The following THSD4 variants were observed in gnomAD, a reference collection of about 807,000 sequenced individuals.
THSD4 encodes thrombospondin type-1 domain-containing protein 4.
THSD4 carries 69 observed loss-of-function variants against 119.0 expected under a neutral mutation model. The ratio of observed to expected loss-of-function variants is 0.58; its 90% CI spans 0.48 to 0.71. The LOEUF is 0.71. THSD4 is among the 30% of genes least tolerant of loss of function. The probability of loss-of-function intolerance (pLI) is 0.00; values close to 1 mark genes in which losing one functional copy is unlikely to be tolerated. For missense variants in THSD4, 1,393 were observed against 1,391.1 expected (o/e 1.00, Z -0.02); for synonymous variants, 524 against 540.4 (o/e 0.97, Z 0.42).
intron 15 of THSD4, among the ~76,000 whole-genome samples, chr15:71,761,192 T>C (rs975626270): frequency 2.0e-5 from 3 of 152,142 alleles, no homozygotes; most frequent in Admixed American, 6.5e-5. Flanking sequence ...CTTAATTCCA[T>C]TTTTTCCCCT....
At chr15:71,652,005 T>C (rs2051100369) in intron 7 of THSD4, among the ~76,000 whole-genome samples, 1 of 152,256 alleles carries the variant, frequency 6.6e-6, no homozygotes, top group African/African-American at 2.4e-5. Context: ...TCTGGGGACC[T>C]GCATTGGTAG....
rs2045345905 is a variant in THSD4, at chr15:71,326,692, AAAAAAAAAATATATATATATAT to A, written c.1015+69979_1015+70000del. Among the ~76,000 whole-genome samples the A allele has an allele frequency of 1.5e-4, 2 of 13,528 alleles. 1 individual carries two copies. The highest frequency in any genetic ancestry group is 3.7e-4 in the Non-Finnish European group (2 of 5,452). The allele number at this position is 13,528 out of a possible 152,430, so 8.9% of individuals were successfully genotyped here. On this transcript the variant is annotated intron_variant, in intron 6 of 17. Coordinates refer to ENST00000261862, the MANE Select transcript of THSD4 (RefSeq NM_024817.3). ...CCATCTCAAAAAAAAAAAAAAAAAA[AAAAAAAAAATATATATATATAT>A]ATATATATATATTAGCTGGGTGTGG...
At chr15:71,759,738 TAGAAG>T (rs1385651432) in intron 15 of THSD4, among the ~76,000 whole-genome samples, 12 of 152,324 alleles carry the variant, frequency 7.9e-5, no homozygotes, top group Admixed American at 2.0e-4. Context: ...CTACCATTCT[TAGAAG>T]AGAAGGGAGC....
At chr15:71,566,522 G>A (rs1203611398) in intron 7 of THSD4, among the ~76,000 whole-genome samples, 5 of 152,066 alleles carry the variant, frequency 3.3e-5, no homozygotes, top group Non-Finnish European at 7.4e-5. Flanking sequence ...TAAAGGGTGG[G>A]GCTTGGAGTC....
chr15:71,405,895 A>G (rs1250274281), intron 6 of THSD4, among the ~76,000 whole-genome samples: 1 of 144,792 alleles, frequency 6.9e-6, no homozygotes, highest in Non-Finnish European at 1.5e-5. Context: ...TATTCTTTTT[A>G]ATGCTGTTGT....
intron 7 of THSD4, among the ~76,000 whole-genome samples, chr15:71,455,134 T>C (rs1159026370): frequency 6.6e-6 from 1 of 152,246 alleles, no homozygotes; most frequent in East Asian, 1.9e-4. Flanking sequence ...TGTGGCTGTG[T>C]GTATTTGTTG....
intron 3 of THSD4, among the ~76,000 whole-genome samples, chr15:71,182,341 G>A (rs915341497): frequency 4.6e-5 from 7 of 151,628 alleles, no homozygotes; most frequent in African/African-American, 1.7e-4. Context: ...ATTAGTGTCT[G>A]AACAAACTCT....
intron 7 of THSD4, among the ~76,000 whole-genome samples, chr15:71,521,183 G>A (rs1342905505): frequency 6.6e-6 from 1 of 152,064 alleles, no homozygotes; most frequent in South Asian, 2.1e-4. Context: ...ACAGTACTCA[G>A]ATAATACTTT....
chr15:71,420,770 C>T (rs1187447412), intron 7 of THSD4, among the ~76,000 whole-genome samples: 2 of 107,024 alleles, frequency 1.9e-5, no homozygotes, highest in African/African-American at 6.4e-5. Flanking sequence ...AAATTTCACA[C>T]TTCATCTCCT....
chr15:71,411,801 T>C lies in THSD4; in HGVS notation c.1130T>C (p.Ile377Thr). 1.2e-6 allele frequency: 2 copies of C among 1,614,030 alleles called. No homozygotes were observed. The highest frequency in any genetic ancestry group is 1.7e-6 in the Non-Finnish European group (2 of 1,179,954). Residue 377 changes from isoleucine to threonine, a missense_variant, in exon 7 of 18, where the codon ATC (isoleucine) becomes ACC (threonine). Ile to Thr is a moderately conservative substitution (Grantham distance 89, BLOSUM62 -1). Transcript: ENST00000261862. ...GTPCDQNGTA[I>T]CVSGQCKSIG... is the part of the protein sequence containing the mutation. ...CCCTGTGACCAGAACGGCACGGCCA[T>C]CTGTGTGTCTGGGCAGTGCAAGGTA...
chr15:71,135,756 C>T (rs1327369793), intron 1 of THSD4, among the ~76,000 whole-genome samples: 1 of 152,140 alleles, frequency 6.6e-6, no homozygotes, highest in African/African-American at 2.4e-5. Flanking sequence ...AGGGGACACT[C>T]CGCACATCTT....
chr15:71,556,921 T>C (rs1451476469), intron 7 of THSD4, among the ~76,000 whole-genome samples: 8 of 152,176 alleles, frequency 5.3e-5, no homozygotes, highest in African/African-American at 1.9e-4. Context: ...TTTTCCAAAT[T>C]CTTGTATATC....
chr15:71,582,378 T>C (rs2049575773), intron 7 of THSD4, among the ~76,000 whole-genome samples: 1 of 152,160 alleles, frequency 6.6e-6, no homozygotes, highest in Non-Finnish European at 1.5e-5. Flanking sequence ...TAACAGGTTT[T>C]TTTGTTAGGG....
chr15:71,724,354 C>T (rs1182265455), intron 8 of THSD4, among the ~76,000 whole-genome samples: 4 of 147,556 alleles, frequency 2.7e-5, no homozygotes, highest in African/African-American at 9.8e-5. Flanking sequence ...GGCGTGGTCT[C>T]GGCTCACTGC....
chr15:71,553,131 G>A (rs1026227023), intron 7 of THSD4, among the ~76,000 whole-genome samples: 2 of 152,150 alleles, frequency 1.3e-5, no homozygotes. Flanking sequence ...AAGGGTATGT[G>A]CCTATGTGAG....
At chr15:71,664,974 T>TGGTA (rs1169380195) in intron 8 of THSD4, among the ~76,000 whole-genome samples, 5 of 152,208 alleles carry the variant, frequency 3.3e-5, no homozygotes, top group Non-Finnish European at 7.3e-5. Flanking sequence ...TGTGTCTTTA[T>TGGTA]GGTAGGATGA....
At chr15:71,372,607 A>G (rs1478166525) in intron 6 of THSD4, among the ~76,000 whole-genome samples, 1 of 152,262 alleles carries the variant, frequency 6.6e-6, no homozygotes, top group Non-Finnish European at 1.5e-5. Context: ...ATTGCTGAAC[A>G]GCAAATGTTG....
intron 7 of THSD4, among the ~76,000 whole-genome samples, chr15:71,460,129 GTGGTA>G (rs2047407253): frequency 6.6e-6 from 1 of 152,102 alleles, no homozygotes; most frequent in Non-Finnish European, 1.5e-5. Context: ...CACGATACCA[GTGGTA>G]ATTCTTTTTC....
chr15:71,716,707 C>T (rs79077423), intron 8 of THSD4, among the ~76,000 whole-genome samples: 5 of 152,134 alleles, frequency 3.3e-5, no homozygotes, highest in African/African-American at 9.6e-5. Context: ...CACACCTGAC[C>T]GCACACTATC....
Sources: gnomAD v4.1 joint callset for allele counts (sites outside exome capture counted in the v4.1 genomes callset) on GRCh38, gnomAD v4.1.1 for gene constraint, MANE v1.5 for transcripts, NCBI Gene and HGNC (gene_info 2026-07-23, HGNC 2026-07-21) for gene names.